DSE: variants seen among roughly 807,000 people sequenced by gnomAD.
DSE encodes dermatan-sulfate epimerase.
Under a neutral mutation model 84.4 loss-of-function variants are expected in DSE, and 36 were observed. That is an observed-to-expected ratio of 0.43 (90% CI 0.33 to 0.56). The LOEUF is 0.56. DSE is among the 20% of genes least tolerant of loss of function. The pLI is 0.06. For missense variants in DSE, 862 were observed against 1,169.6 expected (o/e 0.74, Z 3.84); for synonymous variants, 410 against 430.1 (o/e 0.95, Z 0.58).
chr6:116,371,253 G>C (rs1779539868), intron 1 of DSE, 132 bp downstream of exon 1: 3 of 970,888 alleles, frequency 3.1e-6, no homozygotes, highest in Non-Finnish European at 3.7e-6. Flanking sequence ...GGCTGAGAGC[G>C]GAGCGCCGCG....
At chr6:116,354,505 T>C (rs895730508) in intron 2 of DSE, among the ~76,000 whole-genome samples, 2 of 152,194 alleles carry the variant, frequency 1.3e-5, no homozygotes, top group Non-Finnish European at 2.9e-5. Flanking sequence ...TCATACAATC[T>C]GGCCTTACAA....
At chr6:116,392,356 G>T (rs1304098586) in intron 1 of DSE, among the ~76,000 whole-genome samples, 2 of 152,158 alleles carry the variant, frequency 1.3e-5, no homozygotes, top group Non-Finnish European at 2.9e-5. Context: ...ACGGGAGAGG[G>T]TGCAACGTCA....
intron 2 of DSE, among the ~76,000 whole-genome samples, chr6:116,346,309 C>A (rs4946160): frequency 0.76 from 115,099 of 152,046 alleles, 44,823 homozygotes; most frequent in East Asian, 1. Context: ...TGGCAGAGGC[C>A]CAACAAAAAA....
chr6:116,349,712 T>C lies in DSE; in HGVS notation c.-53-49486T>C, dbSNP rs557904911. ...GCCTGTCCTCATGGCCTGGCCTCCTTCTATAAAACCTCTGTCCTTACTGAA... is the reference window on the plus strand; with the variant it reads ...GCCTGTCCTCATGGCCTGGCCTCCTCCTATAAAACCTCTGTCCTTACTGAA... On this transcript the variant is annotated intron_variant, in intron 2 of 3. Coordinates refer to the DSE transcript ENST00000430252. Among the ~76,000 whole-genome samples, 251 of 152,244 alleles carry C rather than the reference T, an allele frequency of 1.6e-3. 1 individual carries two copies. The highest frequency in any genetic ancestry group is 2.4e-3 in the Non-Finnish European group (164 of 68,008).
At chr6:116,292,355 T>C (rs1482850051) in intron 2 of DSE, among the ~76,000 whole-genome samples, 2 of 152,120 alleles carry the variant, frequency 1.3e-5, no homozygotes, top group Non-Finnish European at 2.9e-5. Context: ...TGCAGCCATA[T>C]TGAGTGAGAT....
At chr6:116,329,545 AT>A (rs1232670348) in intron 2 of DSE, among the ~76,000 whole-genome samples, 1 of 152,192 alleles carries the variant, frequency 6.6e-6, no homozygotes, top group Non-Finnish European at 1.5e-5. Context: ...GTGAAATGGG[AT>A]TTGTATGAAT....
intron 1 of DSE, among the ~76,000 whole-genome samples, chr6:116,256,911 A>G (rs973282585): frequency 3.3e-5 from 5 of 152,216 alleles, no homozygotes; most frequent in African/African-American, 1.2e-4. Flanking sequence ...AAAAAACTAC[A>G]TCAGTGACTT....
At chr6:116,365,567 C>T (rs1412331186), upstream of DSE, among the ~76,000 whole-genome samples, 1 of 152,174 alleles carries the variant, frequency 6.6e-6, no homozygotes, top group African/African-American at 2.4e-5. Flanking sequence ...GTTCTTAAAG[C>T]TCTCCAGATG....
At chr6:116,423,246 A>C (rs1257113272) in intron 2 of DSE, 2 of 152,258 alleles carry the variant, frequency 1.3e-5, no homozygotes, top group Non-Finnish European at 2.9e-5. Flanking sequence ...TAATATTTCT[A>C]GAACCAACCT....
In DSE at chr6:116,444,263, C is replaced by T. The variant is rs1158328299; in HGVS notation, c.*6918C>T. The T allele has an allele frequency of 2.6e-5, 4 of 152,182 alleles. No individual in the cohort carries two copies. Among genetic ancestry groups the T allele is most frequent in the Non-Finnish European group, 4.4e-5 (3 of 68,030 alleles). 9.4% of individuals were successfully genotyped at this position (152,182 alleles called of 1,614,324 possible). ...TATCAATTGCAATAACAACTGAAAA[C>T]TGATTGCTATTACTGAACACTGCCC... is the stretch of plus-strand genomic sequence containing the variant. On this transcript the variant is annotated 3_prime_UTR_variant, in exon 6 of 6. Transcript: ENST00000644252.
intron 2 of DSE, chr6:116,278,395 G>T: frequency 7.8e-7 from 1 of 1,275,208 alleles, no homozygotes; most frequent in Non-Finnish European, 1.1e-6. Context: ...AAAGGAAACA[G>T]GGTGCAGAAA....
intron 2 of DSE, among the ~76,000 whole-genome samples, chr6:116,408,949 A>T (rs1011727955): frequency 3.3e-5 from 5 of 152,184 alleles, no homozygotes; most frequent in Non-Finnish European, 1.5e-5. Flanking sequence ...GGGAGGCGAT[A>T]GTTTGTTGGA....
chr6:116,434,148 ATT>A (rs1258640990), intron 5 of DSE, among the ~76,000 whole-genome samples: 1 of 151,344 alleles, frequency 6.6e-6, no homozygotes, highest in Non-Finnish European at 1.5e-5. Context: ...GACCGTATAA[ATT>A]TTTTTGCCTT....
At chr6:116,271,709 A>C (rs1239923428) in intron 2 of DSE, among the ~76,000 whole-genome samples, 1 of 152,242 alleles carries the variant, frequency 6.6e-6, no homozygotes, top group Non-Finnish European at 1.5e-5. Context: ...AAGAACTCAC[A>C]AATAAGATCT....
Position 116,364,161 on chromosome 6 carries a change from T to G in DSE, c.-53-35037T>G, listed in dbSNP as rs528282736. 1.2e-4 allele frequency among the ~76,000 whole-genome samples: 19 copies of G among 152,376 alleles called. No homozygotes were observed. In the East Asian group the frequency reaches 3.7e-3, roughly 29 times the overall value. On this transcript the variant is annotated intron_variant, in intron 2 of 3. Coordinates refer to the DSE transcript ENST00000430252. ...AAATACTTCTAAGGAATGCTGTGTT[T>G]TTTGTTTGTTTGTTAAACTGTTGTT...
intron 2 of DSE, among the ~76,000 whole-genome samples, chr6:116,359,279 G>T (rs1405229153): frequency 6.6e-6 from 1 of 152,096 alleles, no homozygotes; most frequent in Non-Finnish European, 1.5e-5. Flanking sequence ...ATGATTTCAT[G>T]CTAGACTAAA....
At chr6:116,258,324 C>CT (rs1448076636) in intron 1 of DSE, 13 of 507,282 alleles carry the variant, frequency 2.6e-5, no homozygotes, top group African/African-American at 2.3e-4. Context: ...CCAGATATTT[C>CT]TTTTTATAAC....
upstream of DSE, among the ~76,000 whole-genome samples, chr6:116,365,719 T>C (rs1343083438): frequency 6.6e-6 from 1 of 152,240 alleles, no homozygotes; most frequent in Non-Finnish European, 1.5e-5. Flanking sequence ...TCAGAATTTC[T>C]AAGAGTACAA....
Position 116,426,830 on chromosome 6 carries a change from G to A in DSE, c.670+3G>A. On this transcript the variant is annotated splice_donor_region_variant and intron_variant, in intron 3 of 5. Transcript: ENST00000644252. ...AAGCCTAGTCCTGATGAATCAAGGT[G>A]GGTGTGGACACAGCCAAGGTGATGC... The A allele has an allele frequency of 6.2e-7, 1 of 1,606,858 alleles. No homozygotes were observed.
Sources: gnomAD v4.1 joint callset for allele counts (sites outside exome capture counted in the v4.1 genomes callset) on GRCh38, gnomAD v4.1.1 for gene constraint, MANE v1.5 for transcripts, NCBI Gene and HGNC (gene_info 2026-07-23, HGNC 2026-07-21) for gene names.